The following CLUL1 variants were observed in gnomAD, a reference collection of about 807,000 sequenced individuals.
CLUL1 encodes clusterin like 1, also known as clusterin-like protein 1.
In CLUL1, 43 loss-of-function variants were observed where a neutral mutation model predicts 49.4. The ratio of observed to expected loss-of-function variants is 0.87; its 90% CI spans 0.68 to 1.12. The LOEUF (loss-of-function observed/expected upper bound fraction) is 1.12, where lower values mean the gene tolerates loss of function less well. CLUL1 is among the 50% of genes most tolerant of loss of function. The pLI is 0.00. For synonymous variants in CLUL1, 192 were observed against 184.9 expected (o/e 1.04, Z -0.31); for missense variants, 486 against 544.4 (o/e 0.89, Z 1.07).
At chr18:610,272 C>T (rs1479465335) in intron 2 of CLUL1, among the ~76,000 whole-genome samples, 4 of 152,110 alleles carry the variant, frequency 2.6e-5, no homozygotes, top group East Asian at 1.9e-4. Flanking sequence ...AAATAAAGCG[C>T]GGCACTTCGA....
intron 9 of CLUL1, among the ~76,000 whole-genome samples, chr18:647,623 G>C (rs2074544147): frequency 6.6e-6 from 1 of 152,176 alleles, no homozygotes; most frequent in Non-Finnish European, 1.5e-5. Context: ...GCCCAGCTGG[G>C]ACATGTGTGT....
chr18:624,937 G>GC lies in CLUL1; in HGVS notation c.329dup (p.Asp111ArgfsTer5), dbSNP rs1201597627. On this transcript the variant is annotated frameshift_variant, in exon 5 of 10. Transcript: ENST00000692774. LOFTEE classifies it high-confidence loss of function. ...AGAAAGGCTATGCCGGGAGTCTTTG[G>GC]CAGATTCCTGGGGTGAATGCAGGTC... 1.2e-6 allele frequency: 2 copies of GC among 1,614,168 alleles called. No individual in the cohort carries two copies. Among genetic ancestry groups the GC allele is most frequent in the Non-Finnish European group, 1.7e-6 (2 of 1,180,008 alleles).
At chr18:604,890 G>T (rs1390031794) in intron 1 of CLUL1, among the ~76,000 whole-genome samples, 1 of 152,212 alleles carries the variant, frequency 6.6e-6, no homozygotes, top group East Asian at 1.9e-4. Flanking sequence ...GTTCGTATAA[G>T]GCATGAATTC....
chr18:612,683 A>G (rs931849641), intron 2 of CLUL1: 1 of 152,340 alleles, frequency 6.6e-6, no homozygotes. Flanking sequence ...TGGCTATCCC[A>G]TCATTCCCAC....
intron 9 of CLUL1, among the ~76,000 whole-genome samples, chr18:648,003 T>C (rs1345338966): frequency 6.6e-6 from 1 of 152,092 alleles, no homozygotes. Flanking sequence ...ATTTGTTGAA[T>C]AAATTAATTA....
chr18:613,166 C>A, intron 2 of CLUL1: 1 of 449,852 alleles, frequency 2.2e-6, no homozygotes, highest in South Asian at 5.0e-5. Flanking sequence ...GAGATGGAGT[C>A]TTGCTCTCGT....
At position 606,673 on chromosome 18, in the gene CLUL1, T is replaced by C. The variant is rs966776367; in HGVS notation, c.-135-305T>C. ...TCTTTCAGTGTAGCCAAAAGGCTAT[T>C]GGAGTCTTCTCAAATGAAAGAGATT... On this transcript the variant is annotated intron_variant, in intron 1 of 9. Coordinates refer to ENST00000692774, the MANE Select transcript of CLUL1 (RefSeq NM_001393344.1). The surrounding 1 kb of genome is among the most constrained non-coding windows in gnomAD (Gnocchi z 4.1). Among the ~76,000 whole-genome samples, 6 of 152,260 alleles carry C rather than the reference T, an allele frequency of 3.9e-5. No homozygotes were observed. In the South Asian group the frequency reaches 1.2e-3, roughly 32 times the overall value.
chr18:605,820 G>T (rs1214657450), intron 1 of CLUL1, among the ~76,000 whole-genome samples: 1 of 152,014 alleles, frequency 6.6e-6, no homozygotes, highest in East Asian at 1.9e-4. Context: ...GGGACTACAG[G>T]TGTGCGCCAC....
Position 617,595 on chromosome 18 carries a change from CAAAAA to C in CLUL1, c.-13-377_-13-373del, listed in dbSNP as rs11422881. ...GGGCAACAAGAGCAAAACTCCGTCT[CAAAAA>C]AAAAAAAAAAAAAAAGAATTTTGGA... On this transcript the variant is annotated intron_variant, in intron 2 of 9. Transcript: ENST00000692774. Among the ~76,000 whole-genome samples, 588 of 82,036 alleles carry C rather than the reference CAAAAA, an allele frequency of 7.2e-3. 6 individuals are homozygous for C. Among genetic ancestry groups the C allele is most frequent in the African/African-American group, 0.03 (571 of 19,202 alleles). 53.8% of individuals were successfully genotyped at this position (82,036 alleles called of 152,430 possible).
In CLUL1 at chr18:618,163, G is replaced by A; in HGVS notation, c.106+57G>A. 7.6e-7 allele frequency: 1 copy of A among 1,310,762 alleles called. No individual in the cohort carries two copies. Among genetic ancestry groups the A allele is most frequent in the Non-Finnish European group, 1.1e-6 (1 of 907,670 alleles). The allele number at this position is 1,310,762 out of a possible 1,614,324, so 81.2% of individuals were successfully genotyped here. ...TGTTTGCATGTTGGTTGTCCTGCTG[G>A]CGTTTATAGTGAGTCGCAGTTGAGA... On this transcript the variant is annotated intron_variant, in intron 3 of 9. Coordinates refer to ENST00000692774, the MANE Select transcript of CLUL1 (RefSeq NM_001393344.1). The surrounding 1 kb of genome is among the most constrained non-coding windows in gnomAD (Gnocchi z 4.2).
At chr18:634,906 A>G (rs898099199) in intron 7 of CLUL1, among the ~76,000 whole-genome samples, 2 of 152,158 alleles carry the variant, frequency 1.3e-5, no homozygotes, top group Non-Finnish European at 2.9e-5. Flanking sequence ...CTTTTCTTAC[A>G]TAAAACAAGA....
intron 5 of CLUL1, among the ~76,000 whole-genome samples, chr18:625,534 C>CACAT (rs1372001082): frequency 5.3e-5 from 8 of 150,852 alleles, no homozygotes; most frequent in Non-Finnish European, 1.2e-4. Flanking sequence ...CACACACACA[C>CACAT]ACACACACAC....
chr18:649,006 A>G (rs963805972), intron 9 of CLUL1, among the ~76,000 whole-genome samples: 4 of 152,066 alleles, frequency 2.6e-5, no homozygotes, highest in African/African-American at 4.8e-5. Context: ...TTTTTATCTT[A>G]TTGTTATAAT....
intron 1 of CLUL1, among the ~76,000 whole-genome samples, chr18:597,413 C>T (rs566804704): frequency 6.6e-6 from 1 of 152,278 alleles, no homozygotes; most frequent in African/African-American, 2.4e-5. Context: ...GACACACCAT[C>T]CCTGCAAAAC....
chr18:645,251 G>T, intron 9 of CLUL1, 154 bp downstream of exon 9: 1 of 524,872 alleles, frequency 1.9e-6, no homozygotes. Flanking sequence ...CTGCCTATCA[G>T]ATTTGCAAAT....
chr18:627,533 A>C lies in CLUL1; in HGVS notation c.856+4A>C. 1.3e-6 allele frequency: 2 copies of C among 1,585,254 alleles called. No individual in the cohort carries two copies. The highest frequency in any genetic ancestry group is 1.8e-5 in the Admixed American group (1 of 56,252). On this transcript the variant is annotated splice_donor_region_variant and intron_variant, in intron 6 of 9. Transcript: ENST00000692774. The stretch of plus-strand genomic sequence containing the variant: ...GATTTACCAAAACAAGACAAAGGCA[A>C]GTATTAAAAGATTACTTTTACTTAG...
At chr18:625,851 A>G (rs769509285) in intron 5 of CLUL1, among the ~76,000 whole-genome samples, 9 of 150,068 alleles carry the variant, frequency 6.0e-5, no homozygotes, top group Non-Finnish European at 1.2e-4. Context: ...AACTACTAAG[A>G]TAATGAATGC....
At chr18:626,860 CAAATA>C (rs1207868472) in intron 5 of CLUL1, among the ~76,000 whole-genome samples, 3 of 100,718 alleles carry the variant, frequency 3.0e-5, no homozygotes, top group Non-Finnish European at 6.2e-5. Flanking sequence ...GACTCCATCT[CAAATA>C]AGAAAGAAAG....
chr18:631,464 G>A (rs1267992950), intron 6 of CLUL1, among the ~76,000 whole-genome samples: 2 of 152,162 alleles, frequency 1.3e-5, no homozygotes, highest in Non-Finnish European at 2.9e-5. Flanking sequence ...AGGTGGGAGA[G>A]TAGATGATTT....
Sources: gnomAD v4.1 joint callset for allele counts (sites outside exome capture counted in the v4.1 genomes callset) on GRCh38, gnomAD v4.1.1 for gene constraint, Gnocchi (gnomAD v3.1) non-coding constraint, MANE v1.5 for transcripts, NCBI Gene and HGNC (gene_info 2026-07-23, HGNC 2026-07-21) for gene names.